AP2S1: variants seen among roughly 807,000 people sequenced by gnomAD.
AP2S1 encodes adaptor related protein complex 2 subunit sigma 1.
A neutral mutation model predicts 21.0 loss-of-function variants in AP2S1; 6 were observed. The ratio of observed to expected loss-of-function variants is 0.29; its 90% CI spans 0.16 to 0.56. AP2S1 has a LOEUF of 0.56. Among genes scored for constraint, AP2S1 ranks in the 20% least tolerant of loss-of-function variants. The pLI is 0.92. For synonymous variants in AP2S1, 63 were observed against 74.6 expected, an observed-to-expected ratio of 0.84 and a Z score of 0.80; for missense variants, 60 against 186.2, an observed-to-expected ratio of 0.32 and a Z score of 3.95.
intron 1 of AP2S1, among the ~76,000 whole-genome samples, chr19:46,848,656 T>C (rs1439208848): frequency 6.6e-6 from 1 of 152,166 alleles, no homozygotes; most frequent in Non-Finnish European, 1.5e-5. Flanking sequence ...CTGAACCACC[T>C]GACCCCAACT....
At chr19:46,839,278 C>A (rs189628025) in intron 3 of AP2S1, among the ~76,000 whole-genome samples, 187 bp downstream of exon 3, 129 of 104,088 alleles carry the variant, frequency 1.2e-3, no homozygotes, top group Non-Finnish European at 2.1e-3. Context: ...CAGAACAAGA[C>A]TCCGTCTCAA....
In AP2S1 at chr19:46,838,871, G is replaced by A. The variant is rs1244047409; in HGVS notation, c.268-72C>T. ...CACACACGCACAGAGATGGGAACAAGGTCATCAGAAAGAGACAGCAAAAAA... is the reference window on the plus strand; with the variant it reads ...CACACACGCACAGAGATGGGAACAAAGTCATCAGAAAGAGACAGCAAAAAA... On this transcript the variant is annotated intron_variant, in intron 3 of 4. Transcript: ENST00000263270. The surrounding 1 kb of genome is among the most constrained non-coding windows in gnomAD (Gnocchi z 4.1). 1 of 1,437,964 alleles carries A rather than the reference G, an allele frequency of 7.0e-7. No individual in the cohort carries two copies. Among genetic ancestry groups the A allele is most frequent in the East Asian group, 2.3e-5 (1 of 43,970 alleles). 89.1% of individuals were successfully genotyped at this position (1,437,964 alleles called of 1,614,324 possible).
chr19:46,839,794 G>C, intron 2 of AP2S1: 1 of 753,262 alleles, frequency 1.3e-6, no homozygotes, highest in Non-Finnish European at 2.1e-6. Flanking sequence ...AGGATGGGCT[G>C]TGAGAGCCCA....
chr19:46,849,650 ATC>A (rs1300252190), intron 1 of AP2S1, among the ~76,000 whole-genome samples: 1 of 152,002 alleles, frequency 6.6e-6, no homozygotes, highest in Non-Finnish European at 1.5e-5. Context: ...TCCGTCCTGA[ATC>A]TCTGCATCCT....
intron 2 of AP2S1, among the ~76,000 whole-genome samples, chr19:46,840,638 CAAA>C (rs1195952382): frequency 6.6e-6 from 1 of 151,014 alleles, no homozygotes; most frequent in African/African-American, 2.4e-5. Context: ...TCAAAAAACA[CAAA>C]AAAACAGCAG....
chr19:46,850,312 G>C, intron 1 of AP2S1: 3 of 1,241,866 alleles, frequency 2.4e-6, no homozygotes, highest in Non-Finnish European at 3.0e-6. Context: ...CTTGTCTCTA[G>C]AGACTCCTCC....
At chr19:46,850,579 C>A (rs745368154) in intron 1 of AP2S1, 185 bp downstream of exon 1, 4 of 644,518 alleles carry the variant, frequency 6.2e-6, no homozygotes, top group Non-Finnish European at 7.8e-6. Flanking sequence ...CCTGGTAACC[C>A]CCGCGCGCAG....
In AP2S1 at chr19:46,838,473, G is replaced by A. The variant is rs1370526775; in HGVS notation, c.403C>T (p.Leu135=). The stretch of plus-strand genomic sequence containing the variant: ...CACTCCAGGGACTGTAGCATCAGCA[G>A]CTGTTTCAGCACCTTCGTCTGGCTG... ...ETSQTKVLKQ[L]LMLQSLE The change falls in exon 5 of 5, where the codon CTG becomes TTG. Residue 135 remains leucine, a synonymous_variant. Coordinates refer to ENST00000263270, the MANE Select transcript of AP2S1 (RefSeq NM_004069.6). The surrounding 1 kb of genome is among the most constrained non-coding windows in gnomAD (Gnocchi z 4.1). 1.9e-6 allele frequency: 3 copies of A among 1,614,212 alleles called. No homozygotes were observed. Among genetic ancestry groups the A allele is most frequent in the East Asian group, 2.2e-5 (1 of 44,876 alleles).
chr19:46,838,193 G>A lies in AP2S1; in HGVS notation c.*254C>T. ...CCAGGCAGGACCACAGGTTTATTGGGGACTCCACGCACAGACGCTTATGGC... is the reference window on the plus strand; with the variant it reads ...CCAGGCAGGACCACAGGTTTATTGGAGACTCCACGCACAGACGCTTATGGC... On this transcript the variant is annotated 3_prime_UTR_variant, in exon 5 of 5. Coordinates refer to ENST00000263270, the MANE Select transcript of AP2S1 (RefSeq NM_004069.6). This position sits in a 1 kb window ranked among gnomAD's most constrained non-coding sequence, Gnocchi z 4.1. 1 of 521,290 alleles carries A rather than the reference G, an allele frequency of 1.9e-6. No homozygotes were observed. The highest frequency in any genetic ancestry group is 3.5e-6 in the Non-Finnish European group (1 of 287,456). The allele number at this position is 521,290 out of a possible 1,614,324, so 32.3% of individuals were successfully genotyped here. A position where few individuals can be genotyped will look rare whatever the true frequency, so the allele number is the denominator to read the frequency against.
In AP2S1 at chr19:46,840,720, ATTTTTTTTT is replaced by A. The variant is rs781138883; in HGVS notation, c.154-1151_154-1143del. Among the ~76,000 whole-genome samples the A allele has an allele frequency of 9.0e-5, 10 of 110,720 alleles. No individual in the cohort carries two copies. In the East Asian group the frequency reaches 2.1e-3, roughly 23 times the overall value. 72.6% of individuals were successfully genotyped at this position (110,720 alleles called of 152,430 possible). A position where few individuals can be genotyped will look rare whatever the true frequency, so the allele number is the denominator to read the frequency against. On this transcript the variant is annotated intron_variant, in intron 2 of 4. Transcript: ENST00000263270. ...ATGAGTGCCAGCATCAGTCTTCGGC[ATTTTTTTTT>A]TTTTTTTTTTTTGAGTCTGGCTCTG... is the stretch of plus-strand genomic sequence containing the variant.
At chr19:46,845,018 T>C (rs1229853251) in intron 2 of AP2S1, among the ~76,000 whole-genome samples, 1 of 148,876 alleles carries the variant, frequency 6.7e-6, no homozygotes, top group Non-Finnish European at 1.5e-5. Flanking sequence ...AGAGAATAGC[T>C]TGAACCCTGG....
Position 46,838,367 on chromosome 19 carries a change from G to A in AP2S1, c.*80C>T. 1 of 1,403,788 alleles carries A rather than the reference G, an allele frequency of 7.1e-7. No homozygotes were observed. Among genetic ancestry groups the A allele is most frequent in the Admixed American group, 1.8e-5 (1 of 56,480 alleles). The allele number at this position is 1,403,788 out of a possible 1,614,324, so 87.0% of individuals were successfully genotyped here. A position where few individuals can be genotyped will look rare whatever the true frequency, so the allele number is the denominator to read the frequency against. ...CTAGGCAGCTGAGGGAAGGACTGCT[G>A]GGTTGGCCACGGGCCTGGGAAGGGG... On this transcript the variant is annotated 3_prime_UTR_variant, in exon 5 of 5. Transcript: ENST00000263270. This position sits in a 1 kb window ranked among gnomAD's most constrained non-coding sequence, Gnocchi z 4.1.
chr19:46,848,366 C>T (rs901769243), intron 1 of AP2S1, among the ~76,000 whole-genome samples: 1 of 151,974 alleles, frequency 6.6e-6, no homozygotes, highest in South Asian at 2.1e-4. Context: ...GGTGACAGAG[C>T]GAGACGCTGT....
intron 2 of AP2S1, 30 bp downstream of exon 2, chr19:46,845,962 CG>C: frequency 6.2e-7 from 1 of 1,612,494 alleles, no homozygotes; most frequent in Non-Finnish European, 8.5e-7. Context: ...GAGGAAGCAG[CG>C]GGGTGCAGGA....
At chr19:46,839,314 A>AAAAG (rs2055471943) in intron 3 of AP2S1, 151 bp downstream of exon 3, 2 of 711,852 alleles carry the variant, frequency 2.8e-6, no homozygotes, top group Admixed American at 3.1e-5. Flanking sequence ...AAAAAAAAAA[A>AAAAG]AAAGAAAAAG....
rs923308642 is a variant in AP2S1 at position 46,838,664 on chromosome 19, G to A, written c.327+76C>T. On this transcript the variant is annotated intron_variant, in intron 4 of 4. Transcript: ENST00000263270. The surrounding 1 kb of genome is among the most constrained non-coding windows in gnomAD (Gnocchi z 4.1). ...GGACACAGACCTCAGCAGAGGCTCC[G>A]GGTGGCTAGTGCACCACGGGTCCCC... 46 of 1,571,952 alleles carry A rather than the reference G, an allele frequency of 2.9e-5. No homozygotes were observed. Among genetic ancestry groups the A allele is most frequent in the Middle Eastern group, 1.7e-4 (1 of 5,982 alleles).
chr19:46,839,689 C>T, intron 2 of AP2S1, 111 bp from the exon 3 acceptor site: 1 of 1,524,532 alleles, frequency 6.6e-7, no homozygotes, highest in Non-Finnish European at 8.8e-7. Flanking sequence ...CGAGGCCCAG[C>T]TCTGTGCCTG....
At chr19:46,840,720 AT>A (rs781138883) in intron 2 of AP2S1, among the ~76,000 whole-genome samples, 21,190 of 110,326 alleles carry the variant, frequency 0.19, 1,298 homozygotes, top group Non-Finnish European at 0.22. Flanking sequence ...AGTCTTCGGC[AT>A]TTTTTTTTTT....
chr19:46,842,590 C>T (rs1050823913), intron 2 of AP2S1, among the ~76,000 whole-genome samples: 16 of 152,144 alleles, frequency 1.1e-4, no homozygotes, highest in Non-Finnish European at 1.3e-4. Flanking sequence ...TTTGCCCAGC[C>T]GGACTTTCCG....
Sources: gnomAD v4.1 joint callset for allele counts (sites outside exome capture counted in the v4.1 genomes callset) on GRCh38, gnomAD v4.1.1 for gene constraint, Gnocchi (gnomAD v3.1) non-coding constraint, MANE v1.5 for transcripts, NCBI Gene and HGNC (gene_info 2026-07-23, HGNC 2026-07-21) for gene names.